Variants in SEC24B observed in about 807,000 individuals in gnomAD.
SEC24B encodes the protein protein transport protein Sec24B.
In SEC24B, 45 loss-of-function variants were observed where a neutral mutation model predicts 142.8. The observed-to-expected ratio is 0.32, with a 90% CI of 0.25 to 0.40. SEC24B has a LOEUF of 0.40. SEC24B is among the 10% of genes least tolerant of loss of function. SEC24B has a pLI of 1.00. For synonymous variants in SEC24B, 574 were observed against 568.2 expected (o/e 1.01, Z -0.15); for missense variants, 1,409 against 1,526.8 (o/e 0.92, Z 1.29).
intron 6 of SEC24B, among the ~76,000 whole-genome samples, chr4:109,496,960 T>G (rs6852038): frequency 2.0e-5 from 3 of 152,212 alleles, no homozygotes; most frequent in African/African-American, 4.8e-5. Context: ...TTGGGAGTGT[T>G]GAGCAAGGAG....
intron 6 of SEC24B, among the ~76,000 whole-genome samples, chr4:109,498,000 G>A (rs1735707011): frequency 6.6e-6 from 1 of 152,120 alleles, no homozygotes; most frequent in African/African-American, 2.4e-5. Flanking sequence ...CTTTCATTTT[G>A]TGAGGAAATA....
chr4:109,467,291 A>C (rs1732027382), intron 2 of SEC24B, among the ~76,000 whole-genome samples: 1 of 143,446 alleles, frequency 7.0e-6, no homozygotes, highest in Non-Finnish European at 1.5e-5. Context: ...GCGCCACTGC[A>C]CTCCAGCCTG....
chr4:109,472,583 A>G (rs959479734), intron 2 of SEC24B, among the ~76,000 whole-genome samples: 1 of 150,462 alleles, frequency 6.6e-6, no homozygotes, highest in Non-Finnish European at 1.5e-5. Flanking sequence ...TTGCAGAGTC[A>G]AAAACCTCTT....
intron 4 of SEC24B, among the ~76,000 whole-genome samples, chr4:109,489,718 T>G (rs1189540089): frequency 6.7e-6 from 1 of 150,196 alleles, no homozygotes; most frequent in Non-Finnish European, 1.5e-5. Context: ...TTTGTTTGAT[T>G]TATTTCACTT....
intron 1 of SEC24B, among the ~76,000 whole-genome samples, chr4:109,455,312 C>T (rs1384995527): frequency 1.3e-5 from 2 of 151,392 alleles, no homozygotes; most frequent in Admixed American, 6.6e-5. Context: ...TGTGGTGGTG[C>T]GATCTTGGCT....
chr4:109,538,544 A>G lies in SEC24B; in HGVS notation c.3640A>G (p.Ile1214Val). The stretch of plus-strand genomic sequence containing the variant: ...TTCATCAGAAAGAGCCAGATCCTTC[A>G]TAACTTGGCTTAGAGACAGCAGACC... Reference protein sequence around the residue: ...TLSSERARSFITWLRDSRPLS... With the variant: ...TLSSERARSFVTWLRDSRPLS... Residue 1214 changes from isoleucine (I) to valine (V), a missense_variant, in exon 23 of 24, where the codon ATA becomes GTA. This residue lies in a region of SEC24B where 700 missense variants were observed against 853.3 expected (regional missense o/e 0.82). Transcript: ENST00000265175. 6.2e-7 allele frequency: 1 copy of G among 1,613,528 alleles called. No individual in the cohort carries two copies. The highest frequency in any genetic ancestry group is 8.5e-7 in the Non-Finnish European group (1 of 1,179,478).
At chr4:109,515,962 C>T (rs867975001) in intron 10 of SEC24B, among the ~76,000 whole-genome samples, 4 of 151,136 alleles carry the variant, frequency 2.6e-5, no homozygotes, top group East Asian at 2.0e-4. Flanking sequence ...GCAGGAGAAT[C>T]GCTTGAACCT....
intron 3 of SEC24B, 62 bp downstream of exon 3, chr4:109,473,248 T>C: frequency 4.3e-6 from 5 of 1,165,442 alleles, no homozygotes; most frequent in Non-Finnish European, 5.7e-6. Flanking sequence ...ATAGAAGATA[T>C]GAAAAAAAGT....
chr4:109,484,371 G>A (rs1195548974), intron 4 of SEC24B, among the ~76,000 whole-genome samples: 2 of 152,182 alleles, frequency 1.3e-5, no homozygotes, highest in Admixed American at 6.5e-5. Flanking sequence ...GGCACATGAT[G>A]TCAATTTGTT....
chr4:109,446,533 A>C (rs542122767), intron 1 of SEC24B, among the ~76,000 whole-genome samples: 2 of 152,240 alleles, frequency 1.3e-5, no homozygotes, highest in African/African-American at 4.8e-5. Flanking sequence ...GTACTTTGTT[A>C]TAGTAGCAGC....
At chr4:109,516,340 T>A (rs182711807) in intron 10 of SEC24B, among the ~76,000 whole-genome samples, 188 bp from the exon 11 acceptor site, 4 of 152,342 alleles carry the variant, frequency 2.6e-5, no homozygotes, top group Admixed American at 6.5e-5. Flanking sequence ...TCATGCTTAG[T>A]CCACAACCAA....
chr4:109,478,019 C>T (rs1386265949), intron 3 of SEC24B, among the ~76,000 whole-genome samples: 2 of 152,106 alleles, frequency 1.3e-5, no homozygotes, highest in Admixed American at 1.3e-4. Context: ...TGGTGGCTCA[C>T]GCCTGTAATA....
In SEC24B at chr4:109,497,217, A is replaced by G. The variant is rs534716673; in HGVS notation, c.1488+2361A>G. ...GCTTTAAAATAATGACCTTCTGACT[A>G]TCCACAGAAAAAGTTTGCTGACCCG... On this transcript the variant is annotated intron_variant, in intron 6 of 23. Transcript: ENST00000265175. Among the ~76,000 whole-genome samples the G allele has an allele frequency of 1.1e-4, 17 of 152,390 alleles. No individual in the cohort carries two copies. The East Asian group carries it at 3.1e-3, about 28-fold the overall frequency.
intron 1 of SEC24B, among the ~76,000 whole-genome samples, chr4:109,456,527 T>C (rs561577093): frequency 1.3e-5 from 2 of 152,230 alleles, no homozygotes; most frequent in East Asian, 1.9e-4. Context: ...TGGTTTGCTA[T>C]AGGTTTTTAG....
Position 109,536,769 on chromosome 4 carries a change from T to TC in SEC24B, c.3589-1718dup, listed in dbSNP as rs556400804. Among the ~76,000 whole-genome samples, 294 of 151,768 alleles carry TC rather than the reference T, an allele frequency of 1.9e-3. 3 individuals are homozygous for TC. The highest frequency in any genetic ancestry group is 6.5e-3 in the African/African-American group (270 of 41,382). ...TGGTCTCGATCTCCTGACTTTGTGATCCCCCCACCTCGGCCTCCCAAAGTG... is the reference window on the plus strand; with the variant it reads ...TGGTCTCGATCTCCTGACTTTGTGATCCCCCCCACCTCGGCCTCCCAAAGTG... On this transcript the variant is annotated intron_variant, in intron 22 of 23. Coordinates refer to ENST00000265175, the MANE Select transcript of SEC24B (RefSeq NM_006323.5).
intron 6 of SEC24B, among the ~76,000 whole-genome samples, chr4:109,497,847 TC>T (rs1227748643): frequency 6.6e-6 from 1 of 152,232 alleles, no homozygotes; most frequent in East Asian, 1.9e-4. Context: ...TATTCATTTT[TC>T]AACTTTAGCA....
chr4:109,491,558 A>G (rs1380075823), intron 5 of SEC24B, 151 bp downstream of exon 5: 2 of 544,092 alleles, frequency 3.7e-6, no homozygotes, highest in East Asian at 3.1e-5. Context: ...CCTCAACTTA[A>G]TAGCGTTGTC....
Position 109,463,159 on chromosome 4 carries a change from T to C in SEC24B, c.392T>C (p.Leu131Pro), listed in dbSNP as rs1279791558. 1.2e-6 allele frequency: 2 copies of C among 1,614,166 alleles called. No homozygotes were observed. The highest frequency in any genetic ancestry group is 2.2e-5 in the East Asian group (1 of 44,880). ...GCCCCTCATATTGTGGGATCCACTCTAGGATCTTTCCAAGGTGCTGCATCG... is the reference window on the plus strand; with the variant it reads ...GCCCCTCATATTGTGGGATCCACTCCAGGATCTTTCCAAGGTGCTGCATCG... ...PPAPHIVGST[L>P]GSFQGAASSA... Residue 131 changes from leucine to proline, a missense_variant, in exon 2 of 24, where the codon CTA becomes CCA. Transcript: ENST00000265175.
rs562731303 is a variant in SEC24B at position 109,489,288 on chromosome 4, T to C, written c.1166-2039T>C. Among the ~76,000 whole-genome samples the C allele has an allele frequency of 4.6e-5, 7 of 152,074 alleles. No homozygotes were observed. In the South Asian group the frequency reaches 1.2e-3, roughly 27 times the overall value. On this transcript the variant is annotated intron_variant, in intron 4 of 23. Transcript: ENST00000265175. Reference sequence around the variant, plus strand: ...GTGGTGTAGGGAAGGGGTCCAGCTTTGTTCTTCTGCGTGTGGATATGTCTA... The same window carrying C: ...GTGGTGTAGGGAAGGGGTCCAGCTTCGTTCTTCTGCGTGTGGATATGTCTA...
Sources: gnomAD v4.1 joint callset for allele counts (sites outside exome capture counted in the v4.1 genomes callset) on GRCh38, gnomAD v4.1.1 for gene constraint, gnomAD v4.1.1 regional missense constraint, MANE v1.5 for transcripts, NCBI Gene and HGNC (gene_info 2026-07-23, HGNC 2026-07-21) for gene names.